DPYD: variants seen among roughly 807,000 people sequenced by gnomAD.
DPYD encodes the protein dihydropyrimidine dehydrogenase [NADP(+)].
Under a neutral mutation model 116.2 loss-of-function variants are expected in DPYD, and 109 were observed. The observed-to-expected ratio is 0.94, with a 90% confidence interval of 0.80 to 1.10. The LOEUF (loss-of-function observed/expected upper bound fraction) is 1.10. Ranked by LOEUF, DPYD falls within the 50% of genes least tolerant of loss-of-function variation. The pLI, the probability that DPYD is intolerant of heterozygous loss-of-function variation, is 0.00. For missense variants in DPYD, 1,302 were observed against 1,254.5 expected, an observed-to-expected ratio of 1.04 and a Z score of -0.57; for synonymous variants, 440 against 432.0, an observed-to-expected ratio of 1.02 and a Z score of -0.23.
chr1:97,576,134 T>TA (rs1443987729), intron 10 of DPYD, among the ~76,000 whole-genome samples: 4 of 152,142 alleles, frequency 2.6e-5, no homozygotes, highest in African/African-American at 9.7e-5. Context: ...TTCCAATATG[T>TA]AAAATATGTT....
At chr1:97,873,134 T>C (rs990175521) in intron 2 of DPYD, among the ~76,000 whole-genome samples, 3 of 151,906 alleles carry the variant, frequency 2.0e-5, no homozygotes, top group Non-Finnish European at 4.4e-5. Flanking sequence ...CCTGTGCAAA[T>C]GCCCACTTAG....
At chr1:97,129,913 C>T (rs1653144765) in intron 20 of DPYD, among the ~76,000 whole-genome samples, 1 of 152,200 alleles carries the variant, frequency 6.6e-6, no homozygotes, top group Admixed American at 6.5e-5. Flanking sequence ...ATTATCTTTA[C>T]ACAGAATGTT....
At chr1:97,603,954 A>G (rs1210409736) in intron 8 of DPYD, among the ~76,000 whole-genome samples, 2 of 152,196 alleles carry the variant, frequency 1.3e-5, no homozygotes, top group Non-Finnish European at 2.9e-5. Flanking sequence ...GTCATGGATT[A>G]AAACGGAAAT....
chr1:97,655,642 A>C (rs1658860999), intron 8 of DPYD, among the ~76,000 whole-genome samples: 1 of 152,226 alleles, frequency 6.6e-6, no homozygotes. Context: ...AATACTTAAA[A>C]ACAGTCTTTT....
chr1:97,644,426 TTTTG>T (rs144805096), intron 8 of DPYD, among the ~76,000 whole-genome samples: 2,796 of 151,912 alleles, frequency 0.018, 28 homozygotes, highest in Middle Eastern at 0.024. Context: ...AATTTTCCAT[TTTTG>T]TTTGTTTGTT....
At chr1:97,196,860 G>C (rs752123198) in intron 19 of DPYD, among the ~76,000 whole-genome samples, 13 of 152,062 alleles carry the variant, frequency 8.5e-5, no homozygotes, top group Non-Finnish European at 1.6e-4. Flanking sequence ...CTATTGCATG[G>C]ACCAAATGCA....
intron 21 of DPYD, among the ~76,000 whole-genome samples, chr1:97,093,945 T>C (rs758619257): frequency 1.1e-4 from 17 of 152,014 alleles, no homozygotes; most frequent in Non-Finnish European, 5.9e-5. Flanking sequence ...ATGCCCTTTC[T>C]GGCAGCTTCA....
rs370660930 is a variant in DPYD at position 97,881,857 on chromosome 1, G to A, written c.150+1407C>T. ...AAAATTATATCACACTCTGGGGACT[G>A]TTGTGGGGTGGGGGGTGGAGGGATA... is the stretch of plus-strand genomic sequence containing the variant. On this transcript the variant is annotated intron_variant, in intron 2 of 22. Transcript: ENST00000370192. 1.6e-4 allele frequency among the ~76,000 whole-genome samples: 24 copies of A among 151,716 alleles called. No homozygotes were observed. In the South Asian group the frequency reaches 4.4e-3, roughly 28 times the overall value.
intron 20 of DPYD, among the ~76,000 whole-genome samples, chr1:97,166,334 A>C (rs750783347): frequency 2.0e-5 from 3 of 152,136 alleles, no homozygotes; most frequent in Non-Finnish European, 4.4e-5. Flanking sequence ...TAAACACTGC[A>C]TGTTCTCACT....
chr1:97,290,404 C>A (rs1666058899), intron 18 of DPYD, among the ~76,000 whole-genome samples: 1 of 152,148 alleles, frequency 6.6e-6, no homozygotes, highest in South Asian at 2.1e-4. Flanking sequence ...AACAACAAAG[C>A]TGGAGGCATC....
In DPYD at chr1:97,721,616, C is replaced by CAAGTCA; in HGVS notation, c.371_376dup (p.Leu124_Thr125dup). 6.2e-7 allele frequency: 1 copy of CAAGTCA among 1,611,688 alleles called. No individual in the cohort carries two copies. Among genetic ancestry groups the CAAGTCA allele is most frequent in the South Asian group, 1.1e-5 (1 of 91,026 alleles). On this transcript the variant is annotated inframe_insertion, in exon 5 of 23. Transcript: ENST00000370192. ...ATCAGAGGTTGGACATACCATTCCA[C>CAAGTCA]AAGTCAGACCAAGTGGGTTGTCAGA... is the stretch of plus-strand genomic sequence containing the variant.
intron 16 of DPYD, among the ~76,000 whole-genome samples, chr1:97,366,087 T>C (rs2101466637): frequency 6.6e-6 from 1 of 152,274 alleles, no homozygotes; most frequent in East Asian, 1.9e-4. Flanking sequence ...TTTTACATCA[T>C]TACCAACATT....
At chr1:97,831,000 T>C (rs986766011) in intron 2 of DPYD, among the ~76,000 whole-genome samples, 1 of 152,218 alleles carries the variant, frequency 6.6e-6, no homozygotes, top group Non-Finnish European at 1.5e-5. Context: ...AAATGCTCCA[T>C]GTTTTACACT....
At chr1:97,159,348 A>G (rs932153878) in intron 20 of DPYD, among the ~76,000 whole-genome samples, 1 of 152,114 alleles carries the variant, frequency 6.6e-6, no homozygotes, top group Non-Finnish European at 1.5e-5. Context: ...AGACTCAGTG[A>G]ACTTGAACAT....
At chr1:97,423,388 G>A (rs1674686860) in intron 14 of DPYD, among the ~76,000 whole-genome samples, 1 of 152,044 alleles carries the variant, frequency 6.6e-6, no homozygotes. Context: ...GGGGTAGGTG[G>A]AAGGAAAGCA....
chr1:97,118,964 T>C (rs1052392993), intron 20 of DPYD, among the ~76,000 whole-genome samples: 1 of 152,112 alleles, frequency 6.6e-6, no homozygotes, highest in African/African-American at 2.4e-5. Context: ...GATACAATAA[T>C]ATAATAATAT....
intron 16 of DPYD, among the ~76,000 whole-genome samples, chr1:97,358,117 T>C (rs1670515255): frequency 6.6e-6 from 1 of 152,186 alleles, no homozygotes; most frequent in African/African-American, 2.4e-5. Flanking sequence ...GCTTTTCCAA[T>C]GGTCTTAGCA....
chr1:97,728,203 T>C (rs944045620), intron 4 of DPYD, among the ~76,000 whole-genome samples: 4 of 152,060 alleles, frequency 2.6e-5, no homozygotes, highest in African/African-American at 9.7e-5. Context: ...ATGTTTGCTG[T>C]TTTCAAATCA....
chr1:97,088,457 C>T (rs964390796), intron 21 of DPYD, among the ~76,000 whole-genome samples: 11 of 152,280 alleles, frequency 7.2e-5, no homozygotes, highest in Non-Finnish European at 1.5e-4. Context: ...ATAATTTTTC[C>T]GATGTTTTGC....
Sources: allele counts gnomAD v4.1 joint callset (sites outside exome capture counted in the v4.1 genomes callset), GRCh38; gene constraint gnomAD v4.1.1; transcripts MANE v1.5; gene names NCBI Gene and HGNC (gene_info 2026-07-23, HGNC 2026-07-21).